The following CLPB variants were observed in gnomAD, a reference collection of about 807,000 sequenced individuals.
CLPB encodes the protein mitochondrial disaggregase.
A neutral mutation model predicts 78.4 loss-of-function variants in CLPB; 40 were observed. The ratio of observed to expected loss-of-function variants is 0.51; its 90% CI spans 0.40 to 0.66. The LOEUF (loss-of-function observed/expected upper bound fraction) is 0.66. CLPB is among the 30% of genes least tolerant of loss of function. The pLI is 0.00. For synonymous variants in CLPB, 333 were observed against 348.0 expected (o/e 0.96, Z 0.48); for missense variants, 780 against 886.9 (o/e 0.88, Z 1.53).
At chr11:72,363,072 C>T (rs1459460117) in intron 4 of CLPB, among the ~76,000 whole-genome samples, 1 of 152,018 alleles carries the variant, frequency 6.6e-6, no homozygotes, top group Non-Finnish European at 1.5e-5. Context: ...GGGAGGATCA[C>T]TTGAGCCAGG....
At position 72,293,471 on chromosome 11, in the gene CLPB, G is replaced by A. The variant is rs747869174; in HGVS notation, c.1930C>T (p.Arg644Cys). 6.8e-6 allele frequency: 11 copies of A among 1,614,052 alleles called. No individual in the cohort carries two copies. The highest frequency in any genetic ancestry group is 6.7e-5 in the East Asian group (3 of 44,868). Reference protein sequence around the residue: ...PELPSPQAEKRLPKLRLEIID... With the variant: ...PELPSPQAEKCLPKLRLEIID... ...ATCTCCAGACGCAGCTTGGGGAGGC[G>A]CTTCTCAGCCTGGGGTGAGGGCAGT... The change falls in exon 16 of 16, where the codon CGC becomes TGC. Residue 644 changes from arginine (R) to cysteine (C), a missense_variant. Coordinates refer to ENST00000538039, the MANE Select transcript of CLPB (RefSeq NM_001258392.3).
At chr11:72,413,227 T>C (rs545071267) in intron 2 of CLPB, among the ~76,000 whole-genome samples, 5 of 151,756 alleles carry the variant, frequency 3.3e-5, no homozygotes, top group Non-Finnish European at 7.4e-5. Flanking sequence ...AGGCGGAGGC[T>C]GCAGTGAGCC....
chr11:72,307,103 T>A, intron 9 of CLPB, 96 bp downstream of exon 9: 1 of 1,109,512 alleles, frequency 9.0e-7, no homozygotes, highest in East Asian at 2.4e-5. Context: ...TCTTTTTGAT[T>A]GCCTATTACT....
chr11:72,425,298 T>G (rs1049602075), intron 2 of CLPB, among the ~76,000 whole-genome samples: 1 of 152,082 alleles, frequency 6.6e-6, no homozygotes, highest in Non-Finnish European at 1.5e-5. Context: ...CCAATCTTGT[T>G]CGTTACTGTT....
chr11:72,364,764 G>A (rs953766684), intron 4 of CLPB, among the ~76,000 whole-genome samples: 3 of 152,090 alleles, frequency 2.0e-5, no homozygotes, highest in Non-Finnish European at 4.4e-5. Context: ...AGGCAGCAAC[G>A]TGTATTAGAA....
chr11:72,395,920 C>T (rs1855392711), intron 3 of CLPB, among the ~76,000 whole-genome samples: 3 of 152,182 alleles, frequency 2.0e-5, no homozygotes, highest in East Asian at 1.9e-4. Context: ...TCTAAGAACA[C>T]CCATGGAGCT....
chr11:72,301,638 A>G lies in CLPB; in HGVS notation c.1329+165T>C, dbSNP rs3750906. ...CGCTTGAGTGCCCCACCCAGGCCCT[A>G]GTGCAGAGGGGCTAAGTTGCACCTA... On this transcript the variant is annotated intron_variant, in intron 11 of 15. Transcript: ENST00000538039. Among the ~76,000 whole-genome samples the G allele has an allele frequency of 0.18, 26,763 of 152,210 alleles. 3,768 individuals are homozygous for G. Among genetic ancestry groups the G allele is most frequent in the African/African-American group, 0.39 (16,333 of 41,492 alleles).
chr11:72,367,633 C>T (rs768695781), intron 4 of CLPB, among the ~76,000 whole-genome samples: 5 of 151,968 alleles, frequency 3.3e-5, no homozygotes, highest in South Asian at 2.1e-4. Context: ...AAGGGGGGCA[C>T]GGGTTGAAAA....
chr11:72,339,926 G>GT, intron 5 of CLPB, among the ~76,000 whole-genome samples: 1 of 152,350 alleles, frequency 6.6e-6, no homozygotes, highest in East Asian at 1.9e-4. Flanking sequence ...CTGTGAGAAT[G>GT]TAAGTGTACA....
chr11:72,391,184 C>G (rs1208331849), intron 3 of CLPB, among the ~76,000 whole-genome samples: 2 of 151,934 alleles, frequency 1.3e-5, no homozygotes, highest in Admixed American at 1.3e-4. Context: ...TATTAAAGAC[C>G]CACTGAAAAC....
At chr11:72,325,027 T>C in intron 6 of CLPB, among the ~76,000 whole-genome samples, 1 of 152,112 alleles carries the variant, frequency 6.6e-6, no homozygotes, top group East Asian at 1.9e-4. Flanking sequence ...GTGATTAAAA[T>C]GAGCAATAAA....
chr11:72,417,535 C>A (rs1856059030), intron 2 of CLPB, among the ~76,000 whole-genome samples: 1 of 152,060 alleles, frequency 6.6e-6, no homozygotes, highest in Non-Finnish European at 1.5e-5. Context: ...GTGCTGGTTG[C>A]ACAATCTTAT....
At chr11:72,379,331 A>G (rs1049653554) in intron 4 of CLPB, among the ~76,000 whole-genome samples, 5 of 152,202 alleles carry the variant, frequency 3.3e-5, no homozygotes, top group Non-Finnish European at 5.9e-5. Flanking sequence ...GCAATGTCAG[A>G]GGGATCGCAG....
At chr11:72,362,408 A>T (rs1031326878) in intron 4 of CLPB, among the ~76,000 whole-genome samples, 3 of 152,256 alleles carry the variant, frequency 2.0e-5, no homozygotes, top group African/African-American at 7.2e-5. Flanking sequence ...GTGTATGGCC[A>T]TAAGTATGTG....
rs544622130 is a variant in CLPB, at chr11:72,286,257, G to T, written c.*7110C>A. 1.9e-5 allele frequency: 1 copy of T among 51,406 alleles called. No homozygotes were observed. The highest frequency in any genetic ancestry group is 7.2e-5 in the African/African-American group (1 of 13,824). The allele number at this position is 51,406 out of a possible 1,614,324, so 3.2% of individuals were successfully genotyped here. A position where few individuals can be genotyped will look rare whatever the true frequency, so the allele number is the denominator to read the frequency against. On this transcript the variant is annotated 3_prime_UTR_variant, in exon 16 of 16. Transcript: ENST00000538039. The stretch of plus-strand genomic sequence containing the variant: ...TTTTTTTTTTTTTTTAAGAGATAGG[G>T]TGTCACTCTGCCACCCAGCCTGGAG...
intron 11 of CLPB, among the ~76,000 whole-genome samples, chr11:72,296,262 T>C (rs1178804248): frequency 1.3e-5 from 2 of 152,202 alleles, no homozygotes; most frequent in Non-Finnish European, 2.9e-5. Flanking sequence ...GTAGGTGATA[T>C]ATAATGAAAC....
chr11:72,324,702 A>G (rs1164149391), intron 6 of CLPB, among the ~76,000 whole-genome samples: 1 of 152,246 alleles, frequency 6.6e-6, no homozygotes, highest in Non-Finnish European at 1.5e-5. Context: ...GGCACATGGC[A>G]AGCTGGCACC....
At chr11:72,331,406 A>C (rs1374651085) in intron 5 of CLPB, among the ~76,000 whole-genome samples, 2 of 151,078 alleles carry the variant, frequency 1.3e-5, no homozygotes, top group East Asian at 3.9e-4. Context: ...TCTGTCTCAA[A>C]AAAAAAAAAA....
In CLPB at chr11:72,286,225, T is replaced by TTTTTTTTTTTTTTG. The variant is rs1949387884; in HGVS notation, c.*7141_*7142insCAAAAAAAAAAAAA. 1 of 122,490 alleles carries TTTTTTTTTTTTTTG rather than the reference T, an allele frequency of 8.2e-6. No homozygotes were observed. The highest frequency in any genetic ancestry group is 1.7e-5 in the Non-Finnish European group (1 of 59,838). The allele number at this position is 122,490 out of a possible 1,614,324, so 7.6% of individuals were successfully genotyped here. A position where few individuals can be genotyped will look rare whatever the true frequency, so the allele number is the denominator to read the frequency against. On this transcript the variant is annotated 3_prime_UTR_variant, in exon 16 of 16. Transcript: ENST00000538039. Reference sequence around the variant, plus strand: ...TACAGGTGTGAGATACTGCACCTGTTTTTTTTTTTTTTTTTTTTTTTAAGA... The same window carrying TTTTTTTTTTTTTTG: ...TACAGGTGTGAGATACTGCACCTGTTTTTTTTTTTTTTTGTTTTTTTTTTTTTTTTTTTTTAAGA...
Sources: allele counts gnomAD v4.1 joint callset (sites outside exome capture counted in the v4.1 genomes callset), GRCh38; gene constraint gnomAD v4.1.1; transcripts MANE v1.5; gene names NCBI Gene and HGNC (gene_info 2026-07-23, HGNC 2026-07-21).